KAZN: variants seen among roughly 807,000 people sequenced by gnomAD.
KAZN encodes kazrin, periplakin interacting protein, also known as kazrin.
A neutral mutation model predicts 87.4 loss-of-function variants in KAZN; 40 were observed. The observed-to-expected ratio is 0.46, with a 90% CI of 0.36 to 0.60. KAZN has a LOEUF of 0.60. Among genes scored for constraint, KAZN ranks in the 20% least tolerant of loss-of-function variants. The probability of loss-of-function intolerance (pLI) is 0.00; values close to 1 mark genes in which losing one functional copy is unlikely to be tolerated. For synonymous variants in KAZN, 466 were observed against 458.3 expected (o/e 1.02, Z -0.22); for missense variants, 898 against 1,073.9 (o/e 0.84, Z 2.29).
At chr1:14,453,547 T>A (rs1392394625) in intron 2 of KAZN, among the ~76,000 whole-genome samples, 4 of 152,044 alleles carry the variant, frequency 2.6e-5, no homozygotes, top group Non-Finnish European at 5.9e-5. Context: ...CATTCAATAG[T>A]CTATCTGCCC....
intron 2 of KAZN, among the ~76,000 whole-genome samples, chr1:14,364,430 CACAAT>C (rs757416239): frequency 1.2e-4 from 19 of 152,154 alleles, no homozygotes; most frequent in Non-Finnish European, 1.2e-4. Context: ...CACTGGCACA[CACAAT>C]ACATTTCTGA....
intron 2 of KAZN, among the ~76,000 whole-genome samples, chr1:14,556,812 T>G (rs1280202123): frequency 1.3e-5 from 2 of 152,218 alleles, no homozygotes; most frequent in African/African-American, 4.8e-5. Context: ...CGTTTGGCTC[T>G]GACATTCTAT....
intron 2 of KAZN, among the ~76,000 whole-genome samples, chr1:14,566,121 G>A (rs1422229584): frequency 5.3e-5 from 8 of 152,140 alleles, no homozygotes; most frequent in African/African-American, 7.2e-5. Context: ...TATGAAATGT[G>A]TTCCTTAATA....
chr1:14,039,807 G>C (rs974129504), intron 1 of KAZN, among the ~76,000 whole-genome samples: 2 of 152,188 alleles, frequency 1.3e-5, no homozygotes, highest in African/African-American at 4.8e-5. Context: ...TTCCACAGGG[G>C]AAAGGAGCAC....
At chr1:14,134,337 A>C (rs1645058846) in intron 1 of KAZN, among the ~76,000 whole-genome samples, 2 of 152,234 alleles carry the variant, frequency 1.3e-5, no homozygotes, top group African/African-American at 4.8e-5. Flanking sequence ...GATCCTCCCT[A>C]GATGTTGAAA....
intron 1 of KAZN, among the ~76,000 whole-genome samples, chr1:13,915,209 G>A (rs996051255): frequency 3.9e-5 from 6 of 152,178 alleles, no homozygotes; most frequent in Admixed American, 1.3e-4. Context: ...TCCCCAGCAG[G>A]GAGGGTTTTC....
intron 2 of KAZN, among the ~76,000 whole-genome samples, chr1:14,409,559 G>A (rs1288190079): frequency 6.6e-6 from 1 of 152,150 alleles, no homozygotes; most frequent in African/African-American, 2.4e-5. Context: ...TTGAAAAGGA[G>A]CTCAAACACT....
intron 2 of KAZN, among the ~76,000 whole-genome samples, chr1:14,400,653 A>G (rs980350859): frequency 3.9e-5 from 6 of 152,204 alleles, no homozygotes; most frequent in East Asian, 3.9e-4. Flanking sequence ...AGCCTCTGTA[A>G]TAAGTATGTA....
At chr1:14,258,492 C>T (rs1201506388) in intron 2 of KAZN, among the ~76,000 whole-genome samples, 1 of 151,364 alleles carries the variant, frequency 6.6e-6, no homozygotes, top group African/African-American at 2.4e-5. Flanking sequence ...GCCTCGGCCT[C>T]CCAAAGTGCT....
intron 1 of KAZN, among the ~76,000 whole-genome samples, chr1:14,779,895 G>T (rs1645282513): frequency 6.6e-6 from 1 of 152,236 alleles, no homozygotes; most frequent in South Asian, 2.1e-4. Context: ...CTAGTGATGG[G>T]TATACATTCT....
At chr1:14,292,569 C>T (rs1313646697) in intron 2 of KAZN, among the ~76,000 whole-genome samples, 7 of 152,292 alleles carry the variant, frequency 4.6e-5, no homozygotes, top group African/African-American at 1.4e-4. Flanking sequence ...TGATGCGCCA[C>T]CCCACTGCAG....
At chr1:14,158,813 A>G (rs2101819848) in intron 1 of KAZN, among the ~76,000 whole-genome samples, 1 of 152,260 alleles carries the variant, frequency 6.6e-6, no homozygotes, top group African/African-American at 2.4e-5. Context: ...TCTCTGCTTT[A>G]TGGGTCACCC....
rs1396710885 is a variant in KAZN at position 15,066,103 on chromosome 1, GT to G, written c.1222+353del. 8.3e-5 allele frequency: 93 copies of G among 1,126,962 alleles called. No individual in the cohort carries two copies. The highest frequency in any genetic ancestry group is 9.4e-5 in the Non-Finnish European group (87 of 921,184). The allele number at this position is 1,126,962 out of a possible 1,614,324, so 69.8% of individuals were successfully genotyped here. A position where few individuals can be genotyped will look rare whatever the true frequency, so the allele number is the denominator to read the frequency against. On this transcript the variant is annotated intron_variant, in intron 8 of 14. Coordinates refer to ENST00000376030, the MANE Select transcript of KAZN (RefSeq NM_201628.3). This position sits in a 1 kb window ranked among gnomAD's most constrained non-coding sequence, Gnocchi z 4.3. ...ATCTGGTTTATTATTTTTCTTCAGT[GT>G]TTGGTTTTTCTTTTTCTTTTTGTTT...
chr1:14,126,138 G>A (rs1034334513), intron 1 of KAZN, among the ~76,000 whole-genome samples: 1 of 152,208 alleles, frequency 6.6e-6, no homozygotes, highest in East Asian at 1.9e-4. Context: ...TGTGGACTGT[G>A]TGTGTGGTGG....
At chr1:14,418,861 T>C (rs570546800) in intron 2 of KAZN, among the ~76,000 whole-genome samples, 4 of 152,248 alleles carry the variant, frequency 2.6e-5, no homozygotes, top group African/African-American at 9.6e-5. Context: ...ACCAGTACAC[T>C]TGTGTGTGTG....
Position 14,382,262 on chromosome 1 carries a change from G to C in KAZN, c.249+201670G>C, listed in dbSNP as rs140330294. 4.2e-4 allele frequency among the ~76,000 whole-genome samples: 64 copies of C among 152,230 alleles called. 1 individual carries two copies. In the East Asian group the frequency reaches 0.011, roughly 27 times the overall value. On this transcript the variant is annotated intron_variant, in intron 2 of 16. Coordinates refer to the KAZN transcript ENST00000636203. The stretch of plus-strand genomic sequence containing the variant: ...CAATGCAATCTACAGATTTAATGCA[G>C]TCCCTATCAAAATAACAATATCAAA...
At chr1:14,418,450 T>C (rs1665022637) in intron 2 of KAZN, among the ~76,000 whole-genome samples, 4 of 152,232 alleles carry the variant, frequency 2.6e-5, no homozygotes, top group African/African-American at 9.6e-5. Flanking sequence ...ACTGTCAGCA[T>C]GTAACCAATG....
chr1:14,365,373 G>GT (rs1384128569), intron 2 of KAZN, among the ~76,000 whole-genome samples: 9 of 148,818 alleles, frequency 6.0e-5, no homozygotes. Context: ...CGGGGTGGGG[G>GT]GGGGGGGGGT....
Position 14,802,071 on chromosome 1 carries a change from C to T in KAZN, c.227-158613C>T, listed in dbSNP as rs1029244784. ...CCCTGCTTTTTAGAATGATCTCGTC[C>T]AGAAAGCTTTCGTCGACTCTCTCCA... On this transcript the variant is annotated intron_variant, in intron 1 of 14. Transcript: ENST00000376030. Among the ~76,000 whole-genome samples, 7 of 152,128 alleles carry T rather than the reference C, an allele frequency of 4.6e-5. No individual in the cohort carries two copies. The East Asian group carries it at 1.4e-3, about 29-fold the overall frequency.
Sources: allele counts gnomAD v4.1 joint callset (sites outside exome capture counted in the v4.1 genomes callset), GRCh38; gene constraint gnomAD v4.1.1; non-coding constraint Gnocchi (gnomAD v3.1); transcripts MANE v1.5; gene names NCBI Gene and HGNC (gene_info 2026-07-23, HGNC 2026-07-21).